The following AKAP6 variants were observed in gnomAD, a reference collection of about 807,000 sequenced individuals.
AKAP6 encodes A-kinase anchor protein 6.
In AKAP6, 58 loss-of-function variants were observed where a neutral mutation model predicts 188.5. That is an observed-to-expected ratio of 0.31 (90% CI 0.25 to 0.38). The LOEUF is 0.38. Ranked by LOEUF, AKAP6 falls within the 10% of genes least tolerant of loss-of-function variation. The pLI is 1.00. For synonymous variants in AKAP6, 989 were observed against 998.6 expected (o/e 0.99, Z 0.18); for missense variants, 2,710 against 2,740.0 (o/e 0.99, Z 0.24).
intron 11 of AKAP6, among the ~76,000 whole-genome samples, chr14:32,740,283 G>A (rs2031616984): frequency 6.6e-6 from 1 of 151,892 alleles, no homozygotes; most frequent in South Asian, 2.1e-4. Context: ...TTAATCCCTT[G>A]TCAGATGGGT....
intron 1 of AKAP6, among the ~76,000 whole-genome samples, chr14:32,383,328 G>A (rs1888430427): frequency 6.6e-6 from 1 of 152,022 alleles, no homozygotes; most frequent in Non-Finnish European, 1.5e-5. Flanking sequence ...TAGAAAACAA[G>A]ACAGGACTGT....
chr14:32,597,992 T>C (rs1264676440), intron 5 of AKAP6, among the ~76,000 whole-genome samples: 5 of 152,188 alleles, frequency 3.3e-5, no homozygotes, highest in Non-Finnish European at 7.3e-5. Flanking sequence ...CATTCTCTAG[T>C]AACATGTTCA....
chr14:32,662,235 T>C (rs1888735627), intron 7 of AKAP6, among the ~76,000 whole-genome samples: 1 of 152,086 alleles, frequency 6.6e-6, no homozygotes, highest in Non-Finnish European at 1.5e-5. Context: ...GAGAGGTTCA[T>C]TTTGGGCATG....
Position 32,449,521 on chromosome 14 carries a change from CA to C in AKAP6, c.324+15724del, listed in dbSNP as rs33960351. On this transcript the variant is annotated intron_variant, in intron 2 of 13. Coordinates refer to ENST00000280979, the MANE Select transcript of AKAP6 (RefSeq NM_004274.5). ...TGGGCAATGGAGCTAGACTCCATCTCAAAAAAAAAAAAAAAAAAAAGAAAAA... is the reference window on the plus strand; with the variant it reads ...TGGGCAATGGAGCTAGACTCCATCTCAAAAAAAAAAAAAAAAAAAGAAAAA... Among the ~76,000 whole-genome samples the C allele has an allele frequency of 4.4e-3, 461 of 104,582 alleles. 1 individual carries two copies. Among genetic ancestry groups the C allele is most frequent in the Middle Eastern group, 0.014 (3 of 212 alleles). The allele number at this position is 104,582 out of a possible 152,430, so 68.6% of individuals were successfully genotyped here. A position where few individuals can be genotyped will look rare whatever the true frequency, so the allele number is the denominator to read the frequency against.
At chr14:32,500,784 T>C (rs1880571759) in intron 2 of AKAP6, among the ~76,000 whole-genome samples, 1 of 152,150 alleles carries the variant, frequency 6.6e-6, no homozygotes, top group Admixed American at 6.6e-5. Flanking sequence ...ATGTTTCTAG[T>C]GTCTACAGGT....
chr14:32,546,891 CTCTGAGAAAAATGAGAGCCAT>C lies in AKAP6; in HGVS notation c.2243_2263del (p.Glu748_Ser754del). 6.2e-7 allele frequency: 1 copy of C among 1,613,912 alleles called. No individual in the cohort carries two copies. On this transcript the variant is annotated inframe_deletion, in exon 4 of 14. Coordinates refer to ENST00000280979, the MANE Select transcript of AKAP6 (RefSeq NM_004274.5). The stretch of plus-strand genomic sequence containing the variant: ...ATGAGAAGTCAGAAAGAGCTTCATC[CTCTGAGAAAAATGAGAGCCAT>C]TCTGCCACTAAATCAGCTTTAATTC...
chr14:32,400,487 T>C (rs1337848983), intron 1 of AKAP6, among the ~76,000 whole-genome samples: 2 of 149,706 alleles, frequency 1.3e-5, no homozygotes, highest in Admixed American at 6.7e-5. Context: ...ATTTAAAAAA[T>C]TGTTGGTTAT....
chr14:32,400,018 C>T (rs566115654), intron 1 of AKAP6, among the ~76,000 whole-genome samples: 1 of 152,068 alleles, frequency 6.6e-6, no homozygotes. Context: ...TTCTTTTCTT[C>T]CACCAGGACC....
intron 2 of AKAP6, among the ~76,000 whole-genome samples, chr14:32,518,193 A>C (rs1235330779): frequency 6.6e-6 from 1 of 152,338 alleles, no homozygotes; most frequent in African/African-American, 2.4e-5. Context: ...CCATCTGTCC[A>C]TCACCATCAT....
At chr14:32,542,421 T>G (rs1229943036) in intron 3 of AKAP6, among the ~76,000 whole-genome samples, 1 of 152,208 alleles carries the variant, frequency 6.6e-6, no homozygotes, top group Admixed American at 6.5e-5. Context: ...TATACTGTCA[T>G]AGTACTTACA....
intron 7 of AKAP6, among the ~76,000 whole-genome samples, chr14:32,671,413 T>C (rs1258684609): frequency 6.6e-6 from 1 of 152,016 alleles, no homozygotes; most frequent in African/African-American, 2.4e-5. Flanking sequence ...AAAATGGTTT[T>C]GCTATAATGG....
chr14:32,521,270 C>T (rs556643350), intron 2 of AKAP6, among the ~76,000 whole-genome samples: 6 of 152,190 alleles, frequency 3.9e-5, no homozygotes, highest in South Asian at 2.1e-4. Flanking sequence ...CCTTTGAAAA[C>T]GGGCACCAGA....
chr14:32,666,244 C>A (rs559518172), intron 7 of AKAP6, among the ~76,000 whole-genome samples: 4 of 152,064 alleles, frequency 2.6e-5, no homozygotes, highest in African/African-American at 9.6e-5. Flanking sequence ...TTTTCTTCAT[C>A]TTTATATGTT....
At chr14:32,741,145 G>T (rs1287408696) in intron 11 of AKAP6, among the ~76,000 whole-genome samples, 1 of 151,458 alleles carries the variant, frequency 6.6e-6, no homozygotes, top group Non-Finnish European at 1.5e-5. Flanking sequence ...ATTGTAAATG[G>T]TATCACTTTT....
intron 2 of AKAP6, among the ~76,000 whole-genome samples, chr14:32,508,829 T>C (rs1881004196): frequency 6.7e-6 from 1 of 149,512 alleles, no homozygotes; most frequent in Admixed American, 6.7e-5. Context: ...ATTGAGTACC[T>C]ACTTTTTTTT....
intron 2 of AKAP6, among the ~76,000 whole-genome samples, chr14:32,444,951 A>T (rs1890711496): frequency 6.6e-6 from 1 of 152,218 alleles, no homozygotes; most frequent in Non-Finnish European, 1.5e-5. Context: ...CCTTCGAGTA[A>T]TACCACATAG....
intron 8 of AKAP6, among the ~76,000 whole-genome samples, chr14:32,684,139 C>T (rs1480720551): frequency 6.6e-6 from 1 of 152,118 alleles, no homozygotes; most frequent in African/African-American, 2.4e-5. Flanking sequence ...ACCCAGGAAG[C>T]AGAACTGGAG....
At chr14:32,587,114 TTCTTG>T (rs1355964956) in intron 5 of AKAP6, among the ~76,000 whole-genome samples, 6 of 152,240 alleles carry the variant, frequency 3.9e-5, no homozygotes, top group Admixed American at 3.9e-4. Flanking sequence ...TAGTTTGTAT[TTCTTG>T]TCTTCTAAGT....
At chr14:32,672,457 C>T (rs980592555) in intron 7 of AKAP6, among the ~76,000 whole-genome samples, 18 of 152,156 alleles carry the variant, frequency 1.2e-4, no homozygotes, top group African/African-American at 4.1e-4. Flanking sequence ...AGCCTCTCTC[C>T]TTGGCTCACA....
Sources: allele counts gnomAD v4.1 joint callset (sites outside exome capture counted in the v4.1 genomes callset), GRCh38; gene constraint gnomAD v4.1.1; transcripts MANE v1.5; gene names NCBI Gene and HGNC (gene_info 2026-07-23, HGNC 2026-07-21).